MAPK8IP3: variants seen among roughly 807,000 people sequenced by gnomAD.
MAPK8IP3 encodes the protein C-Jun-amino-terminal kinase-interacting protein 3.
In MAPK8IP3, 49 loss-of-function variants were observed where a neutral mutation model predicts 157.8. The observed-to-expected ratio is 0.31, with a 90% confidence interval of 0.25 to 0.39. The LOEUF is 0.39. MAPK8IP3 is among the 10% of genes least tolerant of loss of function. MAPK8IP3 has a pLI of 1.00. For missense variants in MAPK8IP3, 1,478 were observed against 1,889.4 expected (o/e 0.78, Z 4.04); for synonymous variants, 897 against 777.7 (o/e 1.15, Z -2.55).
At chr16:1,739,199 C>T (rs527565809) in intron 4 of MAPK8IP3, among the ~76,000 whole-genome samples, 292 of 104,386 alleles carry the variant, frequency 2.8e-3, no homozygotes, top group African/African-American at 0.011. Flanking sequence ...TGTGACCGTC[C>T]GTGTGAGCGT....
chr16:1,758,212 G>T, intron 9 of MAPK8IP3, 53 bp downstream of exon 9: 4 of 1,605,648 alleles, frequency 2.5e-6, no homozygotes, highest in Middle Eastern at 3.4e-4. Flanking sequence ...GGGGGAGTGG[G>T]TGGACGGGGG....
rs2042283782 is a variant in MAPK8IP3, at chr16:1,766,717, C to T, written c.2940-6C>T. The T allele has an allele frequency of 6.2e-7, 1 of 1,612,766 alleles. No homozygotes were observed. Among genetic ancestry groups the T allele is most frequent in the Non-Finnish European group, 8.5e-7 (1 of 1,179,936 alleles). ...GCCCCTCGCCCATCGCCGCTTCCTT[C>T]CCTAGGCTCTATGTGCACTCGGCTG... On this transcript the variant is annotated splice_polypyrimidine_tract_variant and splice_region_variant and intron_variant, in intron 23 of 31. Coordinates refer to ENST00000610761, the MANE Select transcript of MAPK8IP3 (RefSeq NM_001318852.2).
chr16:1,748,891 A>C (rs1401545595), intron 8 of MAPK8IP3, 171 bp downstream of exon 8: 1 of 752,246 alleles, frequency 1.3e-6, no homozygotes, highest in Non-Finnish European at 2.4e-6. Context: ...CCATCTCCAC[A>C]GGGGATTGGT....
intron 2 of MAPK8IP3, among the ~76,000 whole-genome samples, chr16:1,728,261 G>C (rs896522623): frequency 1.2e-4 from 18 of 152,226 alleles, no homozygotes; most frequent in African/African-American, 4.3e-4. Context: ...GTTTAAGGGA[G>C]ACATGACTGT....
Position 1,768,749 on chromosome 16 carries a change from C to T in MAPK8IP3, c.3939C>T (p.Ser1313=), listed in dbSNP as rs371886772. ...CGGAGGAGGGCGCAGGGGACATGAG[C>T]CAGGTGAAGCCCGTGCTGTCCAAGG... The part of the protein sequence containing the change: ...DETEEGAGDM[S]QVKPVLSKAE... Residue 1313 remains serine (S), a synonymous_variant, in exon 32 of 32, where the codon AGC becomes AGT. Transcript: ENST00000610761. The T allele has an allele frequency of 9.5e-5, 154 of 1,612,650 alleles. No individual in the cohort carries two copies. Among genetic ancestry groups the T allele is most frequent in the Non-Finnish European group, 1.2e-4 (146 of 1,179,860 alleles).
chr16:1,763,923 G>A, intron 17 of MAPK8IP3, 140 bp downstream of exon 17: 2 of 1,078,896 alleles, frequency 1.9e-6, no homozygotes, highest in South Asian at 1.7e-5. Flanking sequence ...GGGCCTGGCA[G>A]GTTCCTAGTG....
In MAPK8IP3 at chr16:1,766,813, C is replaced by T. The variant is rs12325515; in HGVS notation, c.3020+10C>T. The T allele has an allele frequency of 6.2e-7, 1 of 1,612,572 alleles. No individual in the cohort carries two copies. On this transcript the variant is annotated intron_variant, in intron 24 of 31. Transcript: ENST00000610761. ...CTGTGCTGAGCCTGGTGTGGGTGAC[C>T]CCAGACCGAGGGCCGGGCGGCGCGG...
At position 1,748,334 on chromosome 16, in the gene MAPK8IP3, G is replaced by A. The variant is rs751996288; in HGVS notation, c.1085G>A (p.Arg362His). 44 of 1,613,226 alleles carry A rather than the reference G, an allele frequency of 2.7e-5. No homozygotes were observed. The highest frequency in any genetic ancestry group is 1.6e-4 in the Middle Eastern group (1 of 6,062). The stretch of plus-strand genomic sequence containing the variant: ...ATGTGTCCAGAGACCCGCCTGGACC[G>A]CACAGGAAGCAGGTACTGGCTCAGC... ...LDMCPETRLD[R>H]TGSSPTQGIV... The change falls in exon 7 of 32, where the codon CGC becomes CAC. Residue 362 changes from arginine (R) to histidine (H), a missense_variant. Transcript: ENST00000610761.
intron 7 of MAPK8IP3, 115 bp downstream of exon 7, chr16:1,748,461 C>T: frequency 8.7e-7 from 1 of 1,143,924 alleles, no homozygotes. Flanking sequence ...CTGTGGCCTA[C>T]CGCCTCCATC....
At chr16:1,762,092 A>G (rs924431608) in intron 13 of MAPK8IP3, among the ~76,000 whole-genome samples, 1 of 152,160 alleles carries the variant, frequency 6.6e-6, no homozygotes, top group Admixed American at 6.5e-5. Flanking sequence ...CTGAGACCAC[A>G]TGGAGTCAGA....
At chr16:1,738,381 TG>T (rs2040240191) in intron 4 of MAPK8IP3, among the ~76,000 whole-genome samples, 1 of 106,568 alleles carries the variant, frequency 9.4e-6, no homozygotes, top group Non-Finnish European at 1.8e-5. Flanking sequence ...ACCATCCATG[TG>T]AGCATCCGTG....
At chr16:1,712,931 C>T (rs1427156663) in intron 1 of MAPK8IP3, among the ~76,000 whole-genome samples, 1 of 152,248 alleles carries the variant, frequency 6.6e-6, no homozygotes, top group Admixed American at 6.5e-5. Context: ...TAAGCTGCTC[C>T]CTGCCAACAA....
At chr16:1,727,083 T>A (rs1255335888) in intron 2 of MAPK8IP3, among the ~76,000 whole-genome samples, 2 of 151,388 alleles carry the variant, frequency 1.3e-5, no homozygotes, top group Non-Finnish European at 2.9e-5. Flanking sequence ...GTGTGTGGCG[T>A]CTGAGTTGTG....
At chr16:1,736,389 C>CGT (rs566071660) in intron 4 of MAPK8IP3, among the ~76,000 whole-genome samples, 32 of 51,680 alleles carry the variant, frequency 6.2e-4, no homozygotes, top group African/African-American at 1.2e-3. Flanking sequence ...TCCGTGTGAG[C>CGT]GTGACCGTCC....
chr16:1,758,925 C>G, intron 9 of MAPK8IP3, 53 bp from the exon 10 acceptor site: 2 of 1,603,938 alleles, frequency 1.2e-6, no homozygotes, highest in Non-Finnish European at 1.7e-6. Flanking sequence ...CCCTTTCTCC[C>G]TCTCCTCCCG....
At chr16:1,768,023 A>G (rs1596816534) in intron 28 of MAPK8IP3, 46 bp from the exon 29 acceptor site, 1 of 1,611,648 alleles carries the variant, frequency 6.2e-7, no homozygotes, top group South Asian at 1.1e-5. Context: ...TGCTGCCCCT[A>G]CGCTGACCGC....
intron 8 of MAPK8IP3, among the ~76,000 whole-genome samples, chr16:1,749,777 C>A (rs951161717): frequency 1.1e-4 from 16 of 152,308 alleles, no homozygotes; most frequent in African/African-American, 3.8e-4. Context: ...CTGGTGTACT[C>A]CTGAGCTGAT....
chr16:1,720,236 G>A (rs1009952322), intron 1 of MAPK8IP3, among the ~76,000 whole-genome samples: 26 of 152,232 alleles, frequency 1.7e-4, no homozygotes, highest in Admixed American at 4.6e-4. Flanking sequence ...GGGTTTCACC[G>A]TGTTGGCCAG....
At chr16:1,722,980 C>T (rs1349473805) in intron 1 of MAPK8IP3, among the ~76,000 whole-genome samples, 1 of 151,748 alleles carries the variant, frequency 6.6e-6, no homozygotes, top group Non-Finnish European at 1.5e-5. Flanking sequence ...AGATTACAGG[C>T]GTGAGCCACC....
Sources: gnomAD v4.1 joint callset for allele counts (sites outside exome capture counted in the v4.1 genomes callset) on GRCh38, gnomAD v4.1.1 for gene constraint, MANE v1.5 for transcripts, NCBI Gene and HGNC (gene_info 2026-07-23, HGNC 2026-07-21) for gene names.